Variants in LRRC37B observed in about 807,000 individuals in gnomAD.
LRRC37B encodes leucine rich repeat containing 37B.
LRRC37B carries 28 observed loss-of-function variants against 98.3 expected under a neutral mutation model. That is an observed-to-expected ratio of 0.28 (90% confidence interval 0.21 to 0.39). LRRC37B has a LOEUF of 0.39. Ranked by LOEUF, LRRC37B falls within the 10% of genes least tolerant of loss-of-function variation. The pLI is 1.00. For synonymous variants in LRRC37B, 364 were observed against 442.7 expected (o/e 0.82, Z 2.23); for missense variants, 938 against 1,182.7 (o/e 0.79, Z 3.03).
intron 1 of LRRC37B, among the ~76,000 whole-genome samples, chr17:32,024,108 G>A (rs1314045663): frequency 6.6e-6 from 1 of 151,702 alleles, no homozygotes. Flanking sequence ...TTATGTTCAA[G>A]TATAGACATG....
At chr17:32,015,340 G>C (rs1910627005) in intron 1 of LRRC37B, among the ~76,000 whole-genome samples, 1 of 152,198 alleles carries the variant, frequency 6.6e-6, no homozygotes, top group Non-Finnish European at 1.5e-5. Context: ...AGATTTCAAT[G>C]CATCACAGAT....
At chr17:32,040,704 A>G in intron 7 of LRRC37B, 6 of 782,326 alleles carry the variant, frequency 7.7e-6, no homozygotes, top group Non-Finnish European at 1.2e-5. Flanking sequence ...GGGGCTCCTG[A>G]GCGAGTGCCT....
Position 32,053,390 on chromosome 17 carries a change from G to A in LRRC37B, c.*62G>A, listed in dbSNP as rs553071102. The A allele has an allele frequency of 2.1e-5, 26 of 1,226,376 alleles. No individual in the cohort carries two copies. In the African/African-American group the frequency reaches 3.7e-4, roughly 18 times the overall value. 76.0% of individuals were successfully genotyped at this position (1,226,376 alleles called of 1,614,324 possible). On this transcript the variant is annotated 3_prime_UTR_variant, in exon 12 of 12. Transcript: ENST00000327564. Reference sequence around the variant, plus strand: ...TTTTTAAAATTGTTATTAAATATTGGTTTTTTACTTAAATCAATGAAAACT... The same window carrying A: ...TTTTTAAAATTGTTATTAAATATTGATTTTTTACTTAAATCAATGAAAACT...
chr17:32,008,055 C>A, exon 1 of LRRC37B: 2 of 512,398 alleles, frequency 3.9e-6, no homozygotes, highest in South Asian at 1.9e-5. Flanking sequence ...GACGATGACT[C>A]CGATTATCCG....
At chr17:32,008,965 A>T (rs1490297274) in intron 1 of LRRC37B, among the ~76,000 whole-genome samples, 1 of 152,132 alleles carries the variant, frequency 6.6e-6, no homozygotes, top group Non-Finnish European at 1.5e-5. Flanking sequence ...AATACCTAGG[A>T]GTATGATTTC....
At position 32,044,434 on chromosome 17, in the gene LRRC37B, A is replaced by G. The variant is rs1300167637; in HGVS notation, c.2205-1266A>G. 2.0e-5 allele frequency among the ~76,000 whole-genome samples: 3 copies of G among 152,196 alleles called. No homozygotes were observed. The South Asian group carries it at 6.2e-4, about 32-fold the overall frequency. ...TAGTTGTCTTGTAAGTTGTCCCACAATCTGGATTTCTCTGTTTCCACATGA... is the reference window on the plus strand; with the variant it reads ...TAGTTGTCTTGTAAGTTGTCCCACAGTCTGGATTTCTCTGTTTCCACATGA... On this transcript the variant is annotated intron_variant, in intron 7 of 11. Coordinates refer to ENST00000327564, the Ensembl canonical transcript of LRRC37B.
At chr17:32,025,002 A>C (rs1319567333) in intron 2 of LRRC37B, among the ~76,000 whole-genome samples, 2 of 140,426 alleles carry the variant, frequency 1.4e-5, no homozygotes, top group African/African-American at 2.5e-5. Flanking sequence ...CATACAAATA[A>C]TACATGGTTA....
At chr17:32,042,654 C>A in intron 7 of LRRC37B, 1 of 152,880 alleles carries the variant, frequency 6.5e-6, no homozygotes. Context: ...TTCACATTCC[C>A]TTCCCCCTGA....
intron 7 of LRRC37B, 136 bp from the exon 11 acceptor site, chr17:32,045,564 G>T (rs942239391): frequency 1.1e-5 from 11 of 968,608 alleles, no homozygotes; most frequent in African/African-American, 3.1e-5. Flanking sequence ...TGGCCTTCTG[G>T]TTCCTACCCA....
chr17:32,029,001 T>A (rs1172536301), intron 3 of LRRC37B: 1 of 151,998 alleles, frequency 6.6e-6, no homozygotes, highest in Non-Finnish European at 1.5e-5. Context: ...TTATTTATTT[T>A]TATTTATTAT....
At chr17:32,012,097 G>A (rs1030225172) in intron 1 of LRRC37B, among the ~76,000 whole-genome samples, 2 of 152,162 alleles carry the variant, frequency 1.3e-5, no homozygotes, top group Admixed American at 6.5e-5. Context: ...GTTTGTAATA[G>A]GAAAGATGTG....
chr17:32,035,900 C>CT, intron 7 of LRRC37B: 1 of 326,468 alleles, frequency 3.1e-6, no homozygotes, highest in Non-Finnish European at 5.6e-6. Context: ...CCCCTGTTAG[C>CT]TACTAATCTG....
chr17:32,031,610 A>G, intron 5 of LRRC37B, 152 bp downstream of exon 8: 1 of 1,161,060 alleles, frequency 8.6e-7, no homozygotes, highest in Non-Finnish European at 1.2e-6. Flanking sequence ...CTAAGGTACA[A>G]AGCAGCCAAG....
exon 1 of LRRC37B, chr17:32,022,649 A>G (rs371410261): frequency 8.1e-6 from 13 of 1,614,026 alleles, no homozygotes; most frequent in Non-Finnish European, 1.1e-5. Context: ...CGCAGGATTC[A>G]TTGGTGCAGT....
In LRRC37B at chr17:32,024,864, C is replaced by G. The variant is rs916590364; in HGVS notation, c.1832+82C>G. Reference sequence around the variant, plus strand: ...TGGTCCAGAATTTTGAGGTCCATACCTCTGAGAAAAGATATTTCCCCTCCA... The same window carrying G: ...TGGTCCAGAATTTTGAGGTCCATACGTCTGAGAAAAGATATTTCCCCTCCA... On this transcript the variant is annotated intron_variant, in intron 2 of 11. Transcript: ENST00000327564. The G allele has an allele frequency of 2.0e-6, 3 of 1,536,416 alleles. No individual in the cohort carries two copies. The African/African-American group carries it at 4.1e-5, about 21-fold the overall frequency.
At chr17:32,017,444 T>C (rs1910668549), upstream of LRRC37B, among the ~76,000 whole-genome samples, 1 of 152,232 alleles carries the variant, frequency 6.6e-6, no homozygotes, top group Non-Finnish European at 1.5e-5. Context: ...TATTCCTTAG[T>C]TCTTATCTGT....
intron 6 of LRRC37B, among the ~76,000 whole-genome samples, chr17:32,035,296 A>C (rs1158598887): frequency 3.3e-5 from 5 of 152,188 alleles, no homozygotes; most frequent in Admixed American, 6.5e-5. Context: ...AGAGTAAATC[A>C]AGATGGGTGA....
chr17:32,048,896 G>A lies in LRRC37B; in HGVS notation c.2465-206G>A. On this transcript the variant is annotated intron_variant, in intron 9 of 11. Transcript: ENST00000327564. Reference sequence around the variant, plus strand: ...CACTAGTGTAAAAGACACAACTAATGTAAAAGACACAAAAGAGATGTGTTC... The same window carrying A: ...CACTAGTGTAAAAGACACAACTAATATAAAAGACACAAAAGAGATGTGTTC... The A allele has an allele frequency of 2.7e-6, 4 of 1,503,386 alleles. No homozygotes were observed. The South Asian group carries it at 4.6e-5, about 17-fold the overall frequency. The allele number at this position is 1,503,386 out of a possible 1,614,324, so 93.1% of individuals were successfully genotyped here. A position where few individuals can be genotyped will look rare whatever the true frequency, so the allele number is the denominator to read the frequency against.
intron 7 of LRRC37B, among the ~76,000 whole-genome samples, chr17:32,038,739 T>G (rs1911321747): frequency 6.6e-6 from 1 of 152,058 alleles, no homozygotes; most frequent in Non-Finnish European, 1.5e-5. Flanking sequence ...ATGCCTGTAA[T>G]CCCGGCTACT....
Sources: gnomAD v4.1 joint callset for allele counts (sites outside exome capture counted in the v4.1 genomes callset) on GRCh38, gnomAD v4.1.1 for gene constraint, MANE v1.5 for transcripts, NCBI Gene and HGNC (gene_info 2026-07-23, HGNC 2026-07-21) for gene names.